BBS9: variants seen among roughly 807,000 people sequenced by gnomAD.
BBS9 encodes the protein Bardet-Biedl syndrome 9, also known as protein PTHB1.
Under a neutral mutation model 117.7 loss-of-function variants are expected in BBS9, and 89 were observed. The ratio of observed to expected loss-of-function variants is 0.76; its 90% CI spans 0.64 to 0.90. The LOEUF is 0.90. Ranked by LOEUF, BBS9 falls within the 40% of genes least tolerant of loss-of-function variation. The pLI is 0.00. For synonymous variants in BBS9, 379 were observed against 370.9 expected (o/e 1.02, Z -0.25); for missense variants, 982 against 1,042.2 (o/e 0.94, Z 0.80).
At chr7:33,571,868 T>G (rs2598404) in intron 21 of BBS9, among the ~76,000 whole-genome samples, 74,040 of 151,940 alleles carry the variant, frequency 0.49, 22,163 homozygotes, top group African/African-American at 0.82. Context: ...AGGATACCAT[T>G]GGCAATGATC....
intron 2 of BBS9, among the ~76,000 whole-genome samples, chr7:33,148,344 A>T (rs1048349536): frequency 6.6e-6 from 1 of 152,088 alleles, no homozygotes; most frequent in African/African-American, 2.4e-5. Flanking sequence ...GAAGTGTGGG[A>T]AGAGTAGTAG....
At chr7:33,467,400 G>A (rs1840335004) in intron 19 of BBS9, among the ~76,000 whole-genome samples, 1 of 152,032 alleles carries the variant, frequency 6.6e-6, no homozygotes, top group African/African-American at 2.4e-5. Context: ...TTTCTATGAG[G>A]CTAGACAAGA....
At chr7:33,519,832 C>G (rs1848340660) in intron 20 of BBS9, among the ~76,000 whole-genome samples, 1 of 152,090 alleles carries the variant, frequency 6.6e-6, no homozygotes, top group South Asian at 2.1e-4. Flanking sequence ...GTGGTATTTA[C>G]AGCTATATAG....
rs564857362 is a variant in BBS9, at chr7:33,587,575, G to A, written c.2522-17290G>A. Among the ~76,000 whole-genome samples the A allele has an allele frequency of 2.6e-5, 4 of 152,228 alleles. No homozygotes were observed. In the South Asian group the frequency reaches 8.3e-4, roughly 32 times the overall value. ...GAAAGAAAAGAACAGAAACCATTGG[G>A]AAGGGCTGCTATGTTCCATCTTCAA... On this transcript the variant is annotated intron_variant, in intron 21 of 22. Transcript: ENST00000242067.
At chr7:33,253,154 C>G (rs140487007) in intron 5 of BBS9, among the ~76,000 whole-genome samples, 93 of 152,272 alleles carry the variant, frequency 6.1e-4, no homozygotes, top group Admixed American at 1.6e-3. Context: ...GTCCCAATAT[C>G]TTTCCTATAC....
intron 1 of BBS9, among the ~76,000 whole-genome samples, chr7:33,143,565 A>T (rs1406502520): frequency 6.6e-6 from 1 of 151,672 alleles, no homozygotes; most frequent in Non-Finnish European, 1.5e-5. Context: ...CCATTTGTAT[A>T]TCTTTTTTGT....
chr7:33,584,049 C>G (rs769800214), intron 21 of BBS9, among the ~76,000 whole-genome samples: 5 of 151,882 alleles, frequency 3.3e-5, no homozygotes, highest in Non-Finnish European at 1.5e-5. Flanking sequence ...TTTAAAGGAA[C>G]ATTCCTGGCA....
intron 9 of BBS9, among the ~76,000 whole-genome samples, chr7:33,309,904 G>T (rs1276916748): frequency 3.3e-5 from 5 of 152,144 alleles, no homozygotes; most frequent in Non-Finnish European, 7.3e-5. Flanking sequence ...AATATTTAGG[G>T]ATTCTCATAA....
intron 21 of BBS9, among the ~76,000 whole-genome samples, chr7:33,575,477 G>A (rs1858646659): frequency 6.6e-6 from 1 of 152,070 alleles, no homozygotes. Flanking sequence ...TCTACCAGAG[G>A]TACAGAAAGG....
intron 17 of BBS9, among the ~76,000 whole-genome samples, chr7:33,370,461 C>A (rs1308054330): frequency 1.3e-5 from 2 of 151,766 alleles, no homozygotes; most frequent in Non-Finnish European, 2.9e-5. Flanking sequence ...CAGAGTGAGA[C>A]CCTGTCTCAA....
intron 9 of BBS9, among the ~76,000 whole-genome samples, chr7:33,331,537 C>T (rs1814042023): frequency 1.3e-5 from 2 of 151,924 alleles, no homozygotes; most frequent in Non-Finnish European, 1.5e-5. Context: ...CCAAAAAGCT[C>T]TTAGATCAAA....
chr7:33,258,074 A>C (rs1447683967), intron 6 of BBS9, among the ~76,000 whole-genome samples: 1 of 152,180 alleles, frequency 6.6e-6, no homozygotes, highest in African/African-American at 2.4e-5. Flanking sequence ...ATAAAAGTCA[A>C]GGTTTTGAGT....
At chr7:33,594,200 C>T (rs1158109758) in intron 21 of BBS9, among the ~76,000 whole-genome samples, 6 of 152,092 alleles carry the variant, frequency 3.9e-5, no homozygotes, top group South Asian at 2.1e-4. Context: ...TTTATTCACA[C>T]GCTTTATCTC....
chr7:33,323,273 C>T (rs192048611), intron 9 of BBS9, among the ~76,000 whole-genome samples: 8 of 152,132 alleles, frequency 5.3e-5, no homozygotes, highest in Admixed American at 2.6e-4. Flanking sequence ...CTGGTTAATC[C>T]GATGTTTCTT....
chr7:33,490,357 G>T lies in BBS9; in HGVS notation c.2116-15106G>T, dbSNP rs10224173. ...TTTTTTGTTTTTTTCTGCCTGGTTT[G>T]ATTTTCTTTTTATTTGTGTGTTTTA... On this transcript the variant is annotated intron_variant, in intron 19 of 22. Coordinates refer to ENST00000242067, the MANE Select transcript of BBS9 (RefSeq NM_198428.3). Among the ~76,000 whole-genome samples the T allele has an allele frequency of 4.4e-3, 635 of 144,052 alleles. 5 individuals carry two copies. The highest frequency in any genetic ancestry group is 0.015 in the African/African-American group (609 of 41,082). 94.5% of individuals were successfully genotyped at this position (144,052 alleles called of 152,430 possible).
intron 19 of BBS9, among the ~76,000 whole-genome samples, chr7:33,493,892 G>T (rs761659516): frequency 6.6e-6 from 1 of 152,234 alleles, no homozygotes; most frequent in African/African-American, 2.4e-5. Context: ...ATTAATTTTT[G>T]CCAGTGAACC....
rs369096552 is a variant in BBS9, at chr7:33,313,592, G to A, written c.1017-22849G>A. On this transcript the variant is annotated intron_variant, in intron 9 of 22. Coordinates refer to ENST00000242067, the MANE Select transcript of BBS9 (RefSeq NM_198428.3). ...CACAAACATTTCTTTACTACAAAAG[G>A]TATTTTGTTCAGTCTCCCTTCTATA... is the stretch of plus-strand genomic sequence containing the variant. 1.6e-4 allele frequency among the ~76,000 whole-genome samples: 25 copies of A among 152,260 alleles called. 1 individual carries two copies. The East Asian group carries it at 1.7e-3, about 11-fold the overall frequency.
At chr7:33,214,854 A>G (rs909393085) in intron 5 of BBS9, among the ~76,000 whole-genome samples, 3 of 152,226 alleles carry the variant, frequency 2.0e-5, no homozygotes, top group African/African-American at 7.2e-5. Context: ...CAAAATTTAT[A>G]TGGAACTACA....
At chr7:33,297,439 T>A (rs967612572) in intron 9 of BBS9, among the ~76,000 whole-genome samples, 12 of 152,150 alleles carry the variant, frequency 7.9e-5, no homozygotes, top group Non-Finnish European at 1.5e-4. Flanking sequence ...CATTGATCAG[T>A]CTTTAGCGGT....
Sources: allele counts gnomAD v4.1 joint callset (sites outside exome capture counted in the v4.1 genomes callset), GRCh38; gene constraint gnomAD v4.1.1; transcripts MANE v1.5; gene names NCBI Gene and HGNC (gene_info 2026-07-23, HGNC 2026-07-21).